The following IL23R variants were observed in gnomAD, a reference collection of about 807,000 sequenced individuals.
IL23R encodes the protein interleukin 23 receptor, also known as interleukin-23 receptor.
In IL23R, 34 loss-of-function variants were observed where a neutral mutation model predicts 56.9. That is an observed-to-expected ratio of 0.60 (90% CI 0.45 to 0.80). The LOEUF (loss-of-function observed/expected upper bound fraction) is 0.80. IL23R is among the 30% of genes least tolerant of loss of function. The probability of loss-of-function intolerance (pLI) is 0.00; values close to 1 mark genes in which losing one functional copy is unlikely to be tolerated. For missense variants in IL23R, 635 were observed against 730.0 expected (o/e 0.87, Z 1.50); for synonymous variants, 230 against 249.2 (o/e 0.92, Z 0.73).
At chr1:67,197,817 T>A (rs1471614397) in intron 4 of IL23R, among the ~76,000 whole-genome samples, 1 of 151,952 alleles carries the variant, frequency 6.6e-6, no homozygotes, top group Non-Finnish European at 1.5e-5. Context: ...ATGCCTGTAG[T>A]CCCAGCTACT....
At chr1:67,168,335 G>A (rs1646898500) in intron 2 of IL23R, 145 bp downstream of exon 2, 3 of 730,800 alleles carry the variant, frequency 4.1e-6, no homozygotes, top group Non-Finnish European at 7.2e-6. Flanking sequence ...AAATTACATA[G>A]AATGAAATAA....
At chr1:67,232,837 G>T (rs1570898851) in intron 7 of IL23R, among the ~76,000 whole-genome samples, 1 of 152,060 alleles carries the variant, frequency 6.6e-6, no homozygotes, top group East Asian at 1.9e-4. Context: ...GGAGGTAATT[G>T]AATGGTGGGG....
In IL23R at chr1:67,169,573, G is replaced by A. The variant is rs1301889923; in HGVS notation, c.302G>A (p.Cys101Tyr). Residue 101 changes from cysteine to tyrosine, a missense_variant, in exon 3 of 11, where the codon TGC becomes TAC. By Grantham distance (194) the Cys-to-Tyr change is radical. Transcript: ENST00000347310. ...NFLEPHASMY[C>Y]TAECPKHFQE... ...CTGGAACCACATGCTTCTATGTACT[G>A]CACTGCTGAATGTCCCAAACATTTT... is the stretch of plus-strand genomic sequence containing the variant. The A allele has an allele frequency of 1.2e-6, 2 of 1,613,936 alleles. No homozygotes were observed. Among genetic ancestry groups the A allele is most frequent in the South Asian group, 1.1e-5 (1 of 91,074 alleles).
intron 1 of IL23R, among the ~76,000 whole-genome samples, chr1:67,147,257 C>G (rs1646687784): frequency 2.0e-5 from 3 of 152,136 alleles, no homozygotes; most frequent in Non-Finnish European, 4.4e-5. Flanking sequence ...ACCTGCTCCC[C>G]ACAGAAATTC....
intron 3 of IL23R, among the ~76,000 whole-genome samples, chr1:67,179,678 T>A (rs1413095361): frequency 6.6e-6 from 1 of 152,240 alleles, no homozygotes; most frequent in Admixed American, 6.5e-5. Context: ...ATGTGTTTGA[T>A]CTTGCTTCTC....
chr1:67,169,435 C>A lies in IL23R; in HGVS notation c.164C>A (p.Ala55Glu), dbSNP rs201210897. 76 of 1,613,344 alleles carry A rather than the reference C, an allele frequency of 4.7e-5. No individual in the cohort carries two copies. In the East Asian group the frequency reaches 1.7e-3, roughly 36 times the overall value. The change falls in exon 3 of 11, where the codon GCA becomes GAA. Residue 55 changes from alanine (A) to glutamate (E), a missense_variant. Transcript: ENST00000347310. ...GMNISIYCQAAIKNCQPRKLH... is the reference protein window; with the variant it reads ...GMNISIYCQAEIKNCQPRKLH... ...AATATCTCTATATATTGCCAAGCAG[C>A]AATTAAGAACTGCCAACCAAGGAAA...
intron 1 of IL23R, among the ~76,000 whole-genome samples, chr1:67,159,831 A>T (rs774267826): frequency 2.0e-4 from 30 of 152,226 alleles, no homozygotes; most frequent in Non-Finnish European, 3.8e-4. Context: ...ATGACTTATT[A>T]GGATGAGGCT....
chr1:67,157,230 T>A (rs931177522), intron 1 of IL23R, among the ~76,000 whole-genome samples: 2 of 152,254 alleles, frequency 1.3e-5, no homozygotes, highest in Non-Finnish European at 2.9e-5. Flanking sequence ...AGACCAGAGC[T>A]GTTTTTATTT....
downstream of IL23R, among the ~76,000 whole-genome samples, chr1:67,262,768 G>T (rs1044496947): frequency 6.6e-6 from 1 of 151,996 alleles, no homozygotes; most frequent in Non-Finnish European, 1.5e-5. Context: ...TTCCTAAAGG[G>T]GCATGTCCTG....
At chr1:67,139,095 T>C (rs1376900834) in exon 1 of IL23R, 1 of 152,354 alleles carries the variant, frequency 6.6e-6, no homozygotes, top group Non-Finnish European at 1.5e-5. Context: ...GCAGTATCAT[T>C]TGAGCCCAGG....
chr1:67,259,300 C>T lies in IL23R; in HGVS notation c.*172C>T. On this transcript the variant is annotated 3_prime_UTR_variant, in exon 11 of 11. Transcript: ENST00000347310. The stretch of plus-strand genomic sequence containing the variant: ...GGATAAATACCTAGGTAGGGGATTG[C>T]TGGGCCATATGATAAGCATATGTTT... 1.5e-6 allele frequency: 1 copy of T among 666,070 alleles called. No homozygotes were observed. Among genetic ancestry groups the T allele is most frequent in the Non-Finnish European group, 2.6e-6 (1 of 383,280 alleles). The allele number at this position is 666,070 out of a possible 1,614,324, so 41.3% of individuals were successfully genotyped here.
chr1:67,231,095 A>G lies in IL23R; in HGVS notation c.956-5618A>G, dbSNP rs142004875. 7.2e-3 allele frequency among the ~76,000 whole-genome samples: 1,092 copies of G among 152,310 alleles called. 15 individuals are homozygous for G. The highest frequency in any genetic ancestry group is 0.025 in the African/African-American group (1,033 of 41,570). Reference sequence around the variant, plus strand: ...TGACTCCTCTTTCTTGAATATCTAGAACCCCTGAAAGGTCCAGAAAAGTCC... The same window carrying G: ...TGACTCCTCTTTCTTGAATATCTAGGACCCCTGAAAGGTCCAGAAAAGTCC... On this transcript the variant is annotated intron_variant, in intron 7 of 10. Coordinates refer to ENST00000347310, the MANE Select transcript of IL23R (RefSeq NM_144701.3).
At chr1:67,152,302 T>A (rs1646735399) in intron 1 of IL23R, among the ~76,000 whole-genome samples, 1 of 151,804 alleles carries the variant, frequency 6.6e-6, no homozygotes, top group Non-Finnish European at 1.5e-5. Flanking sequence ...TGATTTTGAT[T>A]GATTTTGTAT....
intron 1 of IL23R, among the ~76,000 whole-genome samples, chr1:67,156,505 C>A (rs115883828): frequency 0.013 from 2,015 of 152,268 alleles, 40 homozygotes; most frequent in African/African-American, 0.046. Context: ...TGCAAAGATG[C>A]CTTGCCCAGT....
intron 1 of IL23R, among the ~76,000 whole-genome samples, chr1:67,160,799 A>C (rs1417047972): frequency 6.6e-6 from 1 of 152,134 alleles, no homozygotes; most frequent in Non-Finnish European, 1.5e-5. Flanking sequence ...CTCCTGCCTC[A>C]GCCTCCTGAG....
At chr1:67,170,398 G>A (rs530837815) in intron 3 of IL23R, among the ~76,000 whole-genome samples, 74 of 152,190 alleles carry the variant, frequency 4.9e-4, no homozygotes, top group African/African-American at 1.7e-3. Flanking sequence ...GTTTGTTATT[G>A]TAACTATTAA....
At chr1:67,225,404 A>G (rs1430737881) in intron 7 of IL23R, among the ~76,000 whole-genome samples, 2 of 152,250 alleles carry the variant, frequency 1.3e-5, no homozygotes, top group Non-Finnish European at 2.9e-5. Context: ...TAGCCAAGAC[A>G]GGACCATCAT....
the IL23R span, among the ~76,000 whole-genome samples, chr1:67,265,497 T>C: frequency 7.2e-5 from 11 of 152,360 alleles, no homozygotes; most frequent in Admixed American, 2.0e-4. Flanking sequence ...TGTCATTATA[T>C]GTAGCTTTAC....
At chr1:67,208,060 G>C (rs1649207654) in intron 6 of IL23R, among the ~76,000 whole-genome samples, 1 of 152,220 alleles carries the variant, frequency 6.6e-6, no homozygotes, top group South Asian at 2.1e-4. Context: ...TTAGCAAAGA[G>C]ACTGGCAGCA....
Sources: gnomAD v4.1 joint callset for allele counts (sites outside exome capture counted in the v4.1 genomes callset) on GRCh38, gnomAD v4.1.1 for gene constraint, MANE v1.5 for transcripts, NCBI Gene and HGNC (gene_info 2026-07-23, HGNC 2026-07-21) for gene names.